MARK3: variants seen among roughly 807,000 people sequenced by gnomAD.
MARK3 encodes the protein MAP/microtubule affinity-regulating kinase 3.
Under a neutral mutation model 90.1 loss-of-function variants are expected in MARK3, and 46 were observed. The observed-to-expected ratio is 0.51, with a 90% CI of 0.40 to 0.65. The LOEUF is 0.65. Among genes scored for constraint, MARK3 ranks in the 30% least tolerant of loss-of-function variants. The pLI is 0.00. For missense variants in MARK3, 818 were observed against 947.2 expected (o/e 0.86, Z 1.79); for synonymous variants, 321 against 332.6 (o/e 0.97, Z 0.38).
At chr14:103,453,592 TTATA>T (rs1260796993) in intron 5 of MARK3, among the ~76,000 whole-genome samples, 2 of 152,188 alleles carry the variant, frequency 1.3e-5, no homozygotes. Flanking sequence ...ATTTTATACT[TTATA>T]TATGTCTAGT....
At chr14:103,482,433 A>T (rs1242848372) in intron 14 of MARK3, among the ~76,000 whole-genome samples, 2 of 152,088 alleles carry the variant, frequency 1.3e-5, no homozygotes, top group Admixed American at 1.3e-4. Flanking sequence ...AGGCAGGAGA[A>T]TTACTTGAAC....
intron 2 of MARK3, among the ~76,000 whole-genome samples, chr14:103,423,118 G>T (rs2092280000): frequency 6.7e-6 from 1 of 149,222 alleles, no homozygotes; most frequent in Admixed American, 6.7e-5. Flanking sequence ...GTCCCCCAGT[G>T]TGTGGTATTT....
At chr14:103,426,583 T>G (rs1288500035) in intron 2 of MARK3, among the ~76,000 whole-genome samples, 1 of 152,174 alleles carries the variant, frequency 6.6e-6, no homozygotes, top group Non-Finnish European at 1.5e-5. Context: ...TTACTTGATA[T>G]TCCCTGGTCA....
chr14:103,453,160 A>G (rs2093195264), intron 5 of MARK3, among the ~76,000 whole-genome samples: 1 of 152,168 alleles, frequency 6.6e-6, no homozygotes, highest in East Asian at 1.9e-4. Flanking sequence ...GCGTGTTTAT[A>G]GCTGCTGTCT....
chr14:103,405,889 G>A (rs1013664925), intron 2 of MARK3, among the ~76,000 whole-genome samples: 1 of 151,522 alleles, frequency 6.6e-6, no homozygotes, highest in Non-Finnish European at 1.5e-5. Context: ...GAGCCACCGT[G>A]CCCAACCTAT....
At chr14:103,413,599 ATTTTAT>A (rs1270514063) in intron 2 of MARK3, among the ~76,000 whole-genome samples, 43 of 147,448 alleles carry the variant, frequency 2.9e-4, no homozygotes, top group Non-Finnish European at 4.5e-4. Context: ...ATTTTATTTT[ATTTTAT>A]TTTATTTATT....
At chr14:103,468,464 A>G (rs1595825665) in intron 12 of MARK3, among the ~76,000 whole-genome samples, 5 of 151,846 alleles carry the variant, frequency 3.3e-5, no homozygotes, top group African/African-American at 1.2e-4. Context: ...AGCTGGGACT[A>G]CAGGTGTGTA....
chr14:103,405,627 C>G (rs551020521), intron 2 of MARK3, among the ~76,000 whole-genome samples: 1 of 152,104 alleles, frequency 6.6e-6, no homozygotes, highest in Non-Finnish European at 1.5e-5. Flanking sequence ...AGGCGTGAGC[C>G]ATAGCGCCTG....
At chr14:103,498,041 A>T (rs1218966984) in intron 15 of MARK3, among the ~76,000 whole-genome samples, 1 of 152,020 alleles carries the variant, frequency 6.6e-6, no homozygotes, top group Non-Finnish European at 1.5e-5. Flanking sequence ...ACATGGCAAA[A>T]CCCTATCTCT....
intron 3 of MARK3, among the ~76,000 whole-genome samples, chr14:103,442,368 T>TC (rs1002033357): frequency 4.4e-4 from 8 of 18,256 alleles, no homozygotes; most frequent in African/African-American, 9.3e-4. Flanking sequence ...AGACTCCGTC[T>TC]CAAAAAAAAA....
In MARK3 at chr14:103,437,732, T is replaced by G. The variant is rs149258280; in HGVS notation, c.297+9292T>G. Among the ~76,000 whole-genome samples the G allele has an allele frequency of 9.2e-5, 14 of 152,338 alleles. 1 individual carries two copies. Among genetic ancestry groups the G allele is most frequent in the African/African-American group, 3.1e-4 (13 of 41,582 alleles). ...TAAACTTGGGTGCAAATTAGGCCTT[T>G]GTGAGAGAATTATAACAGTAACATC... On this transcript the variant is annotated intron_variant, in intron 3 of 17. Transcript: ENST00000429436.
At chr14:103,484,083 C>T (rs190900330) in intron 14 of MARK3, among the ~76,000 whole-genome samples, 24 of 152,160 alleles carry the variant, frequency 1.6e-4, no homozygotes, top group African/African-American at 5.8e-4. Flanking sequence ...GATACCCGGA[C>T]GACACTGTTT....
In MARK3 at chr14:103,430,777, T is replaced by C. The variant is rs571660180; in HGVS notation, c.297+2337T>C. On this transcript the variant is annotated intron_variant, in intron 3 of 17. Coordinates refer to ENST00000429436, the MANE Select transcript of MARK3 (RefSeq NM_001128918.3). ...AGTTGACTATGTTTGCAAATTGATA[T>C]TATTTTCACAGATGAGTCTCTTCAT... Among the ~76,000 whole-genome samples the C allele has an allele frequency of 3.3e-5, 5 of 152,350 alleles. No homozygotes were observed. In the East Asian group the frequency reaches 7.7e-4, roughly 23 times the overall value.
At chr14:103,474,767 A>G (rs1265862168) in intron 12 of MARK3, among the ~76,000 whole-genome samples, 2 of 152,136 alleles carry the variant, frequency 1.3e-5, no homozygotes, top group Non-Finnish European at 2.9e-5. Context: ...TTACTATTAA[A>G]AAAAAAATGT....
intron 2 of MARK3, among the ~76,000 whole-genome samples, chr14:103,414,451 C>T (rs2091845249): frequency 1.3e-5 from 2 of 152,088 alleles, no homozygotes; most frequent in South Asian, 2.1e-4. Context: ...ATGATCCGCC[C>T]GCCTTGGCCT....
In MARK3 at chr14:103,503,389, T is replaced by C. The variant is rs1378009985; in HGVS notation, c.*162T>C. ...CCTGGGAGCGAAAGCTGGCCTTTTTTCTACGAATGCACTACATTAAAGATG... is the reference window on the plus strand; with the variant it reads ...CCTGGGAGCGAAAGCTGGCCTTTTTCCTACGAATGCACTACATTAAAGATG... On this transcript the variant is annotated 3_prime_UTR_variant, in exon 18 of 18. Transcript: ENST00000429436. The C allele has an allele frequency of 4.5e-6, 3 of 664,390 alleles. No homozygotes were observed. Among genetic ancestry groups the C allele is most frequent in the African/African-American group, 1.8e-5 (1 of 55,084 alleles). The allele number at this position is 664,390 out of a possible 1,614,324, so 41.2% of individuals were successfully genotyped here. A position where few individuals can be genotyped will look rare whatever the true frequency, so the allele number is the denominator to read the frequency against.
At position 103,481,887 on chromosome 14, in the gene MARK3, C is replaced by G. The variant is rs535802860; in HGVS notation, c.1586+1397C>G. ...GTTCACGCCATTCTCCTGCCTCAGC[C>G]TCCCGAGTAGCTGGGACTACAGGCG... On this transcript the variant is annotated intron_variant, in intron 14 of 17. Transcript: ENST00000429436. Among the ~76,000 whole-genome samples, 33 of 149,038 alleles carry G rather than the reference C, an allele frequency of 2.2e-4. No individual in the cohort carries two copies. In the East Asian group the frequency reaches 6.3e-3, roughly 28 times the overall value.
rs531540835 is a variant in MARK3 at position 103,465,706 on chromosome 14, C to T, written c.690C>T (p.Asp230=). 13 of 1,614,114 alleles carry T rather than the reference C, an allele frequency of 8.1e-6. No homozygotes were observed. The highest frequency in any genetic ancestry group is 3.3e-5 in the Admixed American group (2 of 60,014). ...AGCTCTTCCAGGGCAAGAAATATGA[C>T]GGGCCAGAAGTGGATGTGTGGAGTC... ...APELFQGKKY[D]GPEVDVWSLG... is the part of the protein sequence containing the mutation. The change falls in exon 8 of 18, where the codon GAC becomes GAT. Residue 230 remains aspartate (D), a synonymous_variant. Transcript: ENST00000429436.
chr14:103,449,012 T>G, intron 4 of MARK3, 45 bp downstream of exon 4: 2 of 1,514,158 alleles, frequency 1.3e-6, no homozygotes, highest in Non-Finnish European at 1.8e-6. Flanking sequence ...AATACGTACT[T>G]GAAATTATGT....
Sources: allele counts gnomAD v4.1 joint callset (sites outside exome capture counted in the v4.1 genomes callset), GRCh38; gene constraint gnomAD v4.1.1; transcripts MANE v1.5; gene names NCBI Gene and HGNC (gene_info 2026-07-23, HGNC 2026-07-21).